LCLAT1: variants seen among roughly 807,000 people sequenced by gnomAD.
LCLAT1 encodes lysocardiolipin acyltransferase 1, also known as 1-AGP acyltransferase 8.
LCLAT1 carries 11 observed loss-of-function variants against 30.7 expected under a neutral mutation model. The observed-to-expected ratio is 0.36, with a 90% confidence interval of 0.23 to 0.59. The LOEUF (loss-of-function observed/expected upper bound fraction) is 0.59, where lower values mean the gene tolerates loss of function less well. LCLAT1 is among the 20% of genes least tolerant of loss of function. The pLI, the probability that LCLAT1 is intolerant of heterozygous loss-of-function variation, is 0.77. For missense variants in LCLAT1, 402 were observed against 458.6 expected, an observed-to-expected ratio of 0.88 and a Z score of 1.13; for synonymous variants, 155 against 151.3, an observed-to-expected ratio of 1.02 and a Z score of -0.18.
chr2:30,619,936 G>A (rs929970428), intron 5 of LCLAT1, among the ~76,000 whole-genome samples: 5 of 152,064 alleles, frequency 3.3e-5, no homozygotes, highest in Non-Finnish European at 7.4e-5. Flanking sequence ...CACAAGTTAT[G>A]GTAGTTAACT....
At chr2:30,623,149 A>T (rs912499237) in intron 5 of LCLAT1, among the ~76,000 whole-genome samples, 1 of 138,332 alleles carries the variant, frequency 7.2e-6, no homozygotes, top group South Asian at 2.2e-4. Flanking sequence ...CGCCTCCTGG[A>T]TTCATGCCAT....
chr2:30,637,135 A>C (rs1008482368), intron 5 of LCLAT1, among the ~76,000 whole-genome samples: 1 of 152,200 alleles, frequency 6.6e-6, no homozygotes, highest in Non-Finnish European at 1.5e-5. Context: ...TCCATGTGAG[A>C]GAAAGGAAAG....
chr2:30,487,095 A>G (rs553736200), intron 1 of LCLAT1, among the ~76,000 whole-genome samples: 2 of 152,342 alleles, frequency 1.3e-5, no homozygotes, highest in South Asian at 4.1e-4. Flanking sequence ...CAAAGGCAGA[A>G]AAAAAGATGG....
Position 30,557,702 on chromosome 2 carries a change from A to T in LCLAT1, c.365-4444A>T, listed in dbSNP as rs185260100. On this transcript the variant is annotated intron_variant, in intron 3 of 5. Transcript: ENST00000379509. The stretch of plus-strand genomic sequence containing the variant: ...AGTGCTGGGATTACAGGCGTGAGCC[A>T]CTGTGCCCTGCCCACATCAAATTTT... Among the ~76,000 whole-genome samples the T allele has an allele frequency of 1.3e-4, 20 of 152,344 alleles. No homozygotes were observed. The East Asian group carries it at 3.7e-3, about 28-fold the overall frequency.
At chr2:30,512,658 A>T (rs1030982285) in intron 1 of LCLAT1, among the ~76,000 whole-genome samples, 21 of 152,220 alleles carry the variant, frequency 1.4e-4, no homozygotes, top group Non-Finnish European at 2.8e-4. Context: ...TTTTTAAAAA[A>T]TTTGGCTTAA....
intron 5 of LCLAT1, among the ~76,000 whole-genome samples, chr2:30,637,916 G>A (rs1669115336): frequency 6.6e-6 from 1 of 152,102 alleles, no homozygotes; most frequent in Admixed American, 6.5e-5. Flanking sequence ...GTCTGGCCTA[G>A]TCTCTCTTCA....
chr2:30,533,709 A>G (rs1686092733), intron 3 of LCLAT1, among the ~76,000 whole-genome samples: 2 of 152,224 alleles, frequency 1.3e-5, no homozygotes, highest in Non-Finnish European at 1.5e-5. Flanking sequence ...TTAATTGAAT[A>G]TGTAGGTTCG....
At chr2:30,495,126 T>C (rs1684043844) in intron 1 of LCLAT1, among the ~76,000 whole-genome samples, 1 of 152,172 alleles carries the variant, frequency 6.6e-6, no homozygotes, top group Admixed American at 6.5e-5. Flanking sequence ...TTCTGATATA[T>C]AACATTTTAG....
intron 2 of LCLAT1, among the ~76,000 whole-genome samples, chr2:30,528,035 C>T (rs1345988657): frequency 6.6e-6 from 1 of 152,138 alleles, no homozygotes. Flanking sequence ...GGTATAATGT[C>T]CTCTTGTATT....
At chr2:30,513,965 G>A (rs1364428381) in intron 1 of LCLAT1, among the ~76,000 whole-genome samples, 1 of 152,230 alleles carries the variant, frequency 6.6e-6, no homozygotes, top group African/African-American at 2.4e-5. Context: ...GACCTCCTGA[G>A]GCTGTGTCAC....
chr2:30,619,698 A>G (rs939059452), intron 5 of LCLAT1, among the ~76,000 whole-genome samples: 2 of 152,190 alleles, frequency 1.3e-5, no homozygotes, highest in Non-Finnish European at 2.9e-5. Context: ...AAATGCAGCA[A>G]GAATTCATTT....
intron 5 of LCLAT1, among the ~76,000 whole-genome samples, chr2:30,575,659 G>A (rs1301877151): frequency 6.6e-6 from 1 of 151,912 alleles, no homozygotes. Flanking sequence ...TTTTTTTCTA[G>A]ATTATGTATA....
At chr2:30,558,325 C>T (rs761925211) in intron 3 of LCLAT1, among the ~76,000 whole-genome samples, 4 of 152,084 alleles carry the variant, frequency 2.6e-5, no homozygotes, top group Non-Finnish European at 4.4e-5. Context: ...TTTGGCCAGG[C>T]GTGGTGGCTC....
rs1665260325 is a variant in LCLAT1 at position 30,562,201 on chromosome 2, CAA to C, written c.421_422del (p.Lys141GlufsTer8). The C allele has an allele frequency of 1.2e-6, 2 of 1,613,064 alleles. No individual in the cohort carries two copies. Among genetic ancestry groups the C allele is most frequent in the Admixed American group, 1.7e-5 (1 of 59,980 alleles). ...IFIHRKWKDD[K>X]SHFEDMIDYF... ...TCATTCATAGGAAATGGAAGGATGA[CAA>C]GAGCCATTTCGAAGACATGATTGAT... On this transcript the variant is annotated frameshift_variant, in exon 4 of 6. Coordinates refer to ENST00000379509, the MANE Select transcript of LCLAT1 (RefSeq NM_001002257.3). LOFTEE classifies it high-confidence loss of function.
At chr2:30,456,070 CTTT>C (rs1681820855) in intron 1 of LCLAT1, among the ~76,000 whole-genome samples, 2 of 152,054 alleles carry the variant, frequency 1.3e-5, no homozygotes, top group Admixed American at 6.6e-5. Flanking sequence ...TATTCAATTT[CTTT>C]AACAGTTATT....
intron 5 of LCLAT1, among the ~76,000 whole-genome samples, chr2:30,618,458 C>T (rs1325173880): frequency 6.6e-6 from 1 of 152,116 alleles, no homozygotes; most frequent in African/African-American, 2.4e-5. Flanking sequence ...CATTCTTGCA[C>T]ATATTTTATA....
At chr2:30,540,498 C>T (rs1237512889) in intron 3 of LCLAT1, among the ~76,000 whole-genome samples, 3 of 152,086 alleles carry the variant, frequency 2.0e-5, no homozygotes, top group African/African-American at 7.2e-5. Context: ...AGATATTGTC[C>T]ATTTCCATCC....
chr2:30,472,042 T>G (rs971315535), intron 1 of LCLAT1, among the ~76,000 whole-genome samples: 1 of 152,222 alleles, frequency 6.6e-6, no homozygotes, highest in African/African-American at 2.4e-5. Flanking sequence ...GCCCTTTTCT[T>G]TTAAATCTTT....
intron 3 of LCLAT1, among the ~76,000 whole-genome samples, chr2:30,534,034 C>T (rs990456804): frequency 6.6e-6 from 1 of 152,136 alleles, no homozygotes; most frequent in Admixed American, 6.5e-5. Context: ...TCCTGACAGC[C>T]TTGTTAATTA....
Sources: gnomAD v4.1 joint callset for allele counts (sites outside exome capture counted in the v4.1 genomes callset) on GRCh38, gnomAD v4.1.1 for gene constraint, MANE v1.5 for transcripts, NCBI Gene and HGNC (gene_info 2026-07-23, HGNC 2026-07-21) for gene names.